Variants in EIF4G3 observed in about 807,000 individuals in gnomAD.
EIF4G3 encodes the protein eIF-4-gamma 3.
In EIF4G3, 34 loss-of-function variants were observed where a neutral mutation model predicts 186.4. The observed-to-expected ratio is 0.18, with a 90% CI of 0.14 to 0.24. The LOEUF (loss-of-function observed/expected upper bound fraction) is 0.24. EIF4G3 is among the 10% of genes least tolerant of loss of function. EIF4G3 has a pLI of 1.00. For missense variants in EIF4G3, 1,536 were observed against 1,948.5 expected (o/e 0.79, Z 3.99); for synonymous variants, 673 against 679.5 (o/e 0.99, Z 0.15).
At position 21,120,082 on chromosome 1, in the gene EIF4G3, G is replaced by T. The variant is rs550829666; in HGVS notation, c.-271-30869C>A. ...AAATATACCAAATTCTTAAGACTGTGGCCCAATAGTCCATCTGCAAAGATC... is the reference window on the plus strand; with the variant it reads ...AAATATACCAAATTCTTAAGACTGTTGCCCAATAGTCCATCTGCAAAGATC... On this transcript the variant is annotated intron_variant, in intron 2 of 36. Transcript: ENST00000602326. Among the ~76,000 whole-genome samples the T allele has an allele frequency of 7.3e-5, 11 of 150,974 alleles. No homozygotes were observed. In the East Asian group the frequency reaches 2.1e-3, roughly 29 times the overall value.
chr1:20,879,671 T>C, intron 19 of EIF4G3, 151 bp from the exon 20 acceptor site: 1 of 470,198 alleles, frequency 2.1e-6, no homozygotes, highest in East Asian at 3.5e-5. Flanking sequence ...ATTAAACTAA[T>C]CTATTTTAAC....
chr1:20,989,874 T>C (rs1027194411), intron 7 of EIF4G3, among the ~76,000 whole-genome samples: 1 of 152,164 alleles, frequency 6.6e-6, no homozygotes, highest in Non-Finnish European at 1.5e-5. Flanking sequence ...GAGAAATCTT[T>C]CATGAAATAA....
At chr1:21,082,059 G>C (rs1275159951) in intron 3 of EIF4G3, among the ~76,000 whole-genome samples, 21 of 151,404 alleles carry the variant, frequency 1.4e-4, no homozygotes, top group Non-Finnish European at 1.5e-5. Context: ...GCCTCCCAAA[G>C]TACCAGGATG....
intron 14 of EIF4G3, among the ~76,000 whole-genome samples, chr1:20,925,649 C>T (rs181078265): frequency 4.6e-5 from 7 of 152,248 alleles, no homozygotes; most frequent in Non-Finnish European, 8.8e-5. Flanking sequence ...TCTTTCTGTC[C>T]CAGATTCCTG....
chr1:21,033,756 C>T (rs535674514), intron 4 of EIF4G3, among the ~76,000 whole-genome samples: 4 of 152,180 alleles, frequency 2.6e-5, no homozygotes, highest in Admixed American at 1.3e-4. Flanking sequence ...AAGAGAACAT[C>T]GGGAATACTG....
At chr1:21,120,735 A>G (rs917285753) in intron 2 of EIF4G3, among the ~76,000 whole-genome samples, 4 of 152,092 alleles carry the variant, frequency 2.6e-5, no homozygotes, top group Non-Finnish European at 5.9e-5. Context: ...CAATTGATTG[A>G]TGGGGTTAAG....
intron 4 of EIF4G3, among the ~76,000 whole-genome samples, chr1:21,044,116 G>A (rs2093737809): frequency 2.0e-5 from 3 of 152,180 alleles, no homozygotes; most frequent in South Asian, 4.1e-4. Context: ...GGGACTTGGT[G>A]TGGGTTTGGA....
intron 14 of EIF4G3, among the ~76,000 whole-genome samples, chr1:20,930,350 A>G (rs1353077910): frequency 6.6e-6 from 1 of 152,094 alleles, no homozygotes; most frequent in Non-Finnish European, 1.5e-5. Context: ...ATTTTACCCA[A>G]TCCTCTCATA....
rs2154556517 is a variant in EIF4G3 at position 20,899,873 on chromosome 1, A to C, written c.1823T>G (p.Phe608Cys). ...GTCAGAGGGGTCTCTTTCAGGATGA[A>C]ACCCCTGGCTCATTTTATCTTGTTC... ...ESEQDKMSQG[F>C]HPERDPSDLK... Residue 608 changes from phenylalanine (F) to cysteine (C), a missense_variant, in exon 16 of 37, where the codon TTT becomes TGT. Coordinates refer to ENST00000602326, the MANE Select transcript of EIF4G3 (RefSeq NM_001391906.1). 1 of 1,614,074 alleles carries C rather than the reference A, an allele frequency of 6.2e-7. No individual in the cohort carries two copies. The highest frequency in any genetic ancestry group is 1.3e-5 in the African/African-American group (1 of 75,040).
intron 4 of EIF4G3, among the ~76,000 whole-genome samples, chr1:21,040,890 G>A (rs922765563): frequency 3.9e-5 from 6 of 152,222 alleles, no homozygotes; most frequent in African/African-American, 1.4e-4. Flanking sequence ...AGACTGCTGA[G>A]TGTTCAAACA....
At chr1:21,150,698 C>T (rs1016944232) in intron 2 of EIF4G3, among the ~76,000 whole-genome samples, 5 of 152,112 alleles carry the variant, frequency 3.3e-5, no homozygotes, top group East Asian at 1.9e-4. Context: ...AATAACTGGC[C>T]GGGTGCGGTG....
intron 3 of EIF4G3, among the ~76,000 whole-genome samples, chr1:21,083,626 G>C (rs907240541): frequency 6.6e-6 from 1 of 151,854 alleles, no homozygotes; most frequent in Non-Finnish European, 1.5e-5. Flanking sequence ...GCCTGGTCTC[G>C]ATTTTTTAAA....
At chr1:20,895,539 C>T (rs769244734) in intron 16 of EIF4G3, 38 bp from the exon 17 acceptor site, 15 of 1,604,424 alleles carry the variant, frequency 9.3e-6, no homozygotes, top group Non-Finnish European at 8.5e-7. Context: ...GTTTGTAGGG[C>T]ATTATATACA....
intron 20 of EIF4G3, among the ~76,000 whole-genome samples, chr1:20,869,306 A>ATTTTTTT (rs954573350): frequency 5.1e-5 from 5 of 97,384 alleles, no homozygotes; most frequent in African/African-American, 8.3e-5. Flanking sequence ...TTACTTTAAA[A>ATTTTTTT]TTTTTTTTTT....
intron 20 of EIF4G3, among the ~76,000 whole-genome samples, chr1:20,865,754 T>C (rs1004120069): frequency 2.0e-5 from 3 of 152,182 alleles, no homozygotes; most frequent in Non-Finnish European, 4.4e-5. Flanking sequence ...ATTTTTGAGA[T>C]ATCTTTTCAT....
At chr1:21,079,187 T>C (rs2095685256) in intron 3 of EIF4G3, among the ~76,000 whole-genome samples, 1 of 152,148 alleles carries the variant, frequency 6.6e-6, no homozygotes. Flanking sequence ...CTAAAGAATA[T>C]TGATCAACCC....
intron 2 of EIF4G3, among the ~76,000 whole-genome samples, chr1:21,154,984 G>A (rs923390974): frequency 5.9e-5 from 9 of 151,862 alleles, no homozygotes; most frequent in East Asian, 3.9e-4. Context: ...ATAGGCCAGC[G>A]GGGCACAGTG....
intron 4 of EIF4G3, among the ~76,000 whole-genome samples, chr1:21,048,298 G>T (rs1459939647): frequency 2.6e-5 from 4 of 152,144 alleles, no homozygotes; most frequent in Non-Finnish European, 5.9e-5. Flanking sequence ...TTACATGCCA[G>T]TTATCAACTG....
At chr1:20,975,610 CTAATA>C (rs907427314) in intron 10 of EIF4G3, among the ~76,000 whole-genome samples, 10 of 149,406 alleles carry the variant, frequency 6.7e-5, no homozygotes, top group African/African-American at 2.2e-4. Flanking sequence ...GCCTATACTA[CTAATA>C]TAATAGTATA....
Sources: gnomAD v4.1 joint callset for allele counts (sites outside exome capture counted in the v4.1 genomes callset) on GRCh38, gnomAD v4.1.1 for gene constraint, MANE v1.5 for transcripts, NCBI Gene and HGNC (gene_info 2026-07-23, HGNC 2026-07-21) for gene names.